The following PCDHGB2 variants were observed in gnomAD, a reference collection of about 807,000 sequenced individuals.
PCDHGB2 encodes the protein protocadherin gamma subfamily B, 2.
A neutral mutation model predicts 59.3 loss-of-function variants in PCDHGB2; 55 were observed. The ratio of observed to expected loss-of-function variants is 0.93; its 90% CI spans 0.75 to 1.16. PCDHGB2 has a LOEUF of 1.16. Ranked by LOEUF, PCDHGB2 falls within the 50% of genes most tolerant of loss-of-function variation. PCDHGB2 has a pLI of 0.00. For missense variants in PCDHGB2, 1,228 were observed against 1,198.5 expected, an observed-to-expected ratio of 1.02 and a Z score of -0.36; for synonymous variants, 516 against 512.0, an observed-to-expected ratio of 1.01 and a Z score of -0.11.
In PCDHGB2 at chr5:141,413,305, G is replaced by A. The variant is rs780711139; in HGVS notation, c.2421+50749G>A. 1.5e-5 allele frequency: 25 copies of A among 1,613,870 alleles called. No individual in the cohort carries two copies. The South Asian group carries it at 2.0e-4, about 13-fold the overall frequency. ...CTCCTACTCAATTCCTGAGGAATTA[G>A]AGAAAGGCTCTTTCGTGGGCAACAT... is the stretch of plus-strand genomic sequence containing the variant. On this transcript the variant is annotated intron_variant, in intron 1 of 3. Transcript: ENST00000522605.
At chr5:141,478,247 G>T in intron 1 of PCDHGB2, 1 of 1,614,076 alleles carries the variant, frequency 6.2e-7, no homozygotes, top group Non-Finnish European at 8.5e-7. Context: ...CACAGTGTTC[G>T]GAGTAATCAT....
At chr5:141,384,149 T>A in intron 1 of PCDHGB2, 1 of 1,613,370 alleles carries the variant, frequency 6.2e-7, no homozygotes, top group Non-Finnish European at 8.5e-7. Flanking sequence ...ACACTCTCTT[T>A]GTATAACATC....
chr5:141,422,296 A>C, intron 1 of PCDHGB2: 1 of 1,550,706 alleles, frequency 6.4e-7, no homozygotes, highest in South Asian at 1.3e-5. Context: ...TATTAATTCA[A>C]TTCTGGAAAA....
chr5:141,415,203 G>C (rs2095843560), intron 1 of PCDHGB2: 24 of 1,614,032 alleles, frequency 1.5e-5, no homozygotes, highest in Non-Finnish European at 2.0e-5. Flanking sequence ...CCCAAGTCCT[G>C]GCGGACCTCG....
At chr5:141,365,299 T>A (rs777540442) in intron 1 of PCDHGB2, 1 of 1,614,002 alleles carries the variant, frequency 6.2e-7, no homozygotes. Flanking sequence ...TAGCTCAGGA[T>A]GGAGGCGCTC....
intron 1 of PCDHGB2, among the ~76,000 whole-genome samples, chr5:141,386,303 T>G (rs938709302): frequency 6.6e-6 from 1 of 152,202 alleles, no homozygotes; most frequent in Non-Finnish European, 1.5e-5. Context: ...TTAGTAAAGC[T>G]CAGTATATCA....
intron 1 of PCDHGB2, among the ~76,000 whole-genome samples, chr5:141,402,239 T>A (rs1361940803): frequency 6.6e-6 from 1 of 152,066 alleles, no homozygotes; most frequent in African/African-American, 2.4e-5. Flanking sequence ...AGGAATTTTA[T>A]CATCAAAATA....
intron 1 of PCDHGB2, among the ~76,000 whole-genome samples, chr5:141,451,522 A>G (rs1387873094): frequency 6.6e-6 from 1 of 152,200 alleles, no homozygotes; most frequent in Non-Finnish European, 1.5e-5. Flanking sequence ...TAGAGCAAGT[A>G]AAGGAGAGTG....
intron 1 of PCDHGB2, 141 bp downstream of exon 1, chr5:141,362,697 A>T: frequency 1.9e-6 from 2 of 1,057,626 alleles, no homozygotes; most frequent in South Asian, 3.5e-5. Flanking sequence ...TATCTAACTG[A>T]ATTTTAAGTG....
At chr5:141,380,577 C>T (rs187039576) in intron 1 of PCDHGB2, among the ~76,000 whole-genome samples, 268 of 152,102 alleles carry the variant, frequency 1.8e-3, no homozygotes, top group African/African-American at 5.8e-3. Flanking sequence ...CATATCTTGG[C>T]GGTCTAGTAA....
chr5:141,414,437 C>T (rs1422750138), intron 1 of PCDHGB2: 1 of 1,613,856 alleles, frequency 6.2e-7, no homozygotes, highest in Non-Finnish European at 8.5e-7. Flanking sequence ...CAGGTATCCT[C>T]TTACAATATC....
intron 1 of PCDHGB2, among the ~76,000 whole-genome samples, chr5:141,468,777 A>T (rs2099178581): frequency 6.7e-6 from 1 of 150,364 alleles, no homozygotes; most frequent in Non-Finnish European, 1.5e-5. Flanking sequence ...GAGGCAGGAG[A>T]ATGGCGTGAA....
intron 1 of PCDHGB2, chr5:141,374,208 G>A (rs777295061): frequency 1.2e-6 from 2 of 1,613,952 alleles, no homozygotes; most frequent in East Asian, 2.2e-5. Context: ...CTGGAGAAAG[G>A]CTCCTTCGTA....
chr5:141,421,389 G>T (rs200646513), intron 1 of PCDHGB2: 1 of 1,613,934 alleles, frequency 6.2e-7, no homozygotes, highest in African/African-American at 1.3e-5. Context: ...AGGACCTGGG[G>T]CTGGAGCCCC....
At chr5:141,422,375 T>G (rs2096644332) in intron 1 of PCDHGB2, 3 of 1,570,696 alleles carry the variant, frequency 1.9e-6, no homozygotes, top group Admixed American at 1.9e-5. Flanking sequence ...AATGGTCAAG[T>G]CTCCTGTTTT....
intron 1 of PCDHGB2, chr5:141,424,664 A>T (rs923488035): frequency 6.6e-6 from 1 of 152,124 alleles, no homozygotes; most frequent in African/African-American, 2.4e-5. Flanking sequence ...CTTTAATTAA[A>T]CTGATTTAGC....
At chr5:141,388,957 C>T (rs1378746840) in intron 1 of PCDHGB2, 7 of 1,613,822 alleles carry the variant, frequency 4.3e-6, no homozygotes, top group Non-Finnish European at 5.9e-6. Flanking sequence ...ATGGAGGACG[C>T]CGAGCTGGGA....
At chr5:141,371,789 T>G in intron 1 of PCDHGB2, 1 of 1,613,924 alleles carries the variant, frequency 6.2e-7, no homozygotes. Flanking sequence ...CTGAGAACAA[T>G]CCGCCTGGAG....
chr5:141,494,428 G>A (rs1476469017), intron 1 of PCDHGB2, among the ~76,000 whole-genome samples: 1 of 152,148 alleles, frequency 6.6e-6, no homozygotes, highest in African/African-American at 2.4e-5. Flanking sequence ...TCATTGAAAA[G>A]CCTCCTTTGC....
Sources: gnomAD v4.1 joint callset for allele counts (sites outside exome capture counted in the v4.1 genomes callset) on GRCh38, gnomAD v4.1.1 for gene constraint, MANE v1.5 for transcripts, NCBI Gene and HGNC (gene_info 2026-07-23, HGNC 2026-07-21) for gene names.